Variants in HTR4 observed in about 807,000 individuals in gnomAD.
The protein encoded by HTR4 is 5-hydroxytryptamine (serotonin) receptor 4, G protein-coupled.
Under a neutral mutation model 36.8 loss-of-function variants are expected in HTR4, and 16 were observed. That is an observed-to-expected ratio of 0.43 (90% CI 0.29 to 0.66). The LOEUF (loss-of-function observed/expected upper bound fraction) is 0.66, where lower values mean the gene tolerates loss of function less well. HTR4 is among the 30% of genes least tolerant of loss of function. The probability of loss-of-function intolerance (pLI) is 0.13; values close to 1 mark genes in which losing one functional copy is unlikely to be tolerated. For missense variants in HTR4, 438 were observed against 490.9 expected (o/e 0.89, Z 1.02); for synonymous variants, 189 against 185.1 (o/e 1.02, Z -0.17).
At chr5:148,646,635 T>C (rs1753882292) in intron 1 of HTR4, among the ~76,000 whole-genome samples, 1 of 152,112 alleles carries the variant, frequency 6.6e-6, no homozygotes, top group African/African-American at 2.4e-5. Context: ...AATAAAACTA[T>C]ACCCATAGAT....
chr5:148,540,061 T>C (rs1759028082), intron 4 of HTR4, among the ~76,000 whole-genome samples: 1 of 152,028 alleles, frequency 6.6e-6, no homozygotes, highest in Admixed American at 6.6e-5. Context: ...CAAAATCATG[T>C]CTTTTGCAGG....
chr5:148,514,196 A>G (rs1256133312), intron 5 of HTR4, among the ~76,000 whole-genome samples: 3 of 152,116 alleles, frequency 2.0e-5, no homozygotes, highest in African/African-American at 7.2e-5. Flanking sequence ...TTAGGGGATG[A>G]GCCTTCAATA....
intron 4 of HTR4, among the ~76,000 whole-genome samples, chr5:148,534,713 A>G (rs1053796846): frequency 5.9e-5 from 9 of 151,948 alleles, no homozygotes; most frequent in Non-Finnish European, 1.3e-4. Context: ...CTTGCACCAG[A>G]CAGGTAACCC....
intron 2 of HTR4, among the ~76,000 whole-genome samples, chr5:148,623,013 G>A (rs75810753): frequency 6.6e-6 from 1 of 152,168 alleles, no homozygotes; most frequent in Non-Finnish European, 1.5e-5. Context: ...TGAGGAAAAA[G>A]AAGGGGTAGA....
chr5:148,547,570 T>TAAAA (rs1759451004), intron 4 of HTR4, among the ~76,000 whole-genome samples: 2 of 105,046 alleles, frequency 1.9e-5, no homozygotes, highest in East Asian at 2.7e-4. Context: ...ATAAAATAAA[T>TAAAA]AAATAAAAAT....
chr5:148,523,246 T>G lies in HTR4; in HGVS notation c.454A>C (p.Ile152Leu). Residue 152 changes from isoleucine to leucine, a missense_variant, in exon 5 of 7, where the codon ATT becomes CTT. Physicochemically the swap from Ile to Leu is conservative, Grantham distance 5. Transcript: ENST00000377888. ...CCTTGCATTATAGGGAGAAAAGAAA[T>G]AAACGTGGGGATGACCCAGCAGCCT... ...LGGCWVIPTFISFLPIMQGWN... is the reference protein window; with the variant it reads ...LGGCWVIPTFLSFLPIMQGWN... 2 of 1,613,442 alleles carry G rather than the reference T, an allele frequency of 1.2e-6. No homozygotes were observed. Among genetic ancestry groups the G allele is most frequent in the Non-Finnish European group, 8.5e-7 (1 of 1,179,758 alleles).
chr5:148,588,589 G>A (rs1170082656), intron 2 of HTR4, among the ~76,000 whole-genome samples: 4 of 145,544 alleles, frequency 2.7e-5, no homozygotes, highest in Admixed American at 6.9e-5. Flanking sequence ...GCCGGACTGC[G>A]GACTGCAGTG....
At chr5:148,562,846 G>C (rs573069844) in intron 2 of HTR4, among the ~76,000 whole-genome samples, 2 of 151,964 alleles carry the variant, frequency 1.3e-5, no homozygotes, top group African/African-American at 2.4e-5. Flanking sequence ...ACTTCATAAC[G>C]TTTCCTGATC....
intron 5 of HTR4, among the ~76,000 whole-genome samples, chr5:148,510,602 C>T (rs901545204): frequency 6.6e-6 from 1 of 152,240 alleles, no homozygotes; most frequent in Non-Finnish European, 1.5e-5. Flanking sequence ...TTCTAAATCT[C>T]TGGGCAATGA....
intron 5 of HTR4, chr5:148,451,331 G>C: frequency 6.2e-7 from 1 of 1,610,874 alleles, no homozygotes; most frequent in African/African-American, 1.3e-5. Flanking sequence ...CTGCACCGAA[G>C]TCAAGAGCAC....
chr5:148,652,320 A>G (rs1302385467), intron 1 of HTR4, among the ~76,000 whole-genome samples: 2 of 152,196 alleles, frequency 1.3e-5, no homozygotes, highest in East Asian at 3.8e-4. Context: ...GGAGGAATAA[A>G]AAGGTGACTT....
At chr5:148,519,524 G>A (rs988973685) in intron 5 of HTR4, among the ~76,000 whole-genome samples, 4 of 152,116 alleles carry the variant, frequency 2.6e-5, no homozygotes, top group African/African-American at 4.8e-5. Context: ...TTATATGTGT[G>A]GGTATATAGC....
At chr5:148,648,872 G>C (rs1167447805) in intron 1 of HTR4, among the ~76,000 whole-genome samples, 1 of 152,204 alleles carries the variant, frequency 6.6e-6, no homozygotes, top group Non-Finnish European at 1.5e-5. Flanking sequence ...TCCAGGAGCT[G>C]AGTTTTCTAG....
At chr5:148,536,043 C>A (rs779549463) in intron 4 of HTR4, among the ~76,000 whole-genome samples, 41 of 152,110 alleles carry the variant, frequency 2.7e-4, no homozygotes, top group South Asian at 4.1e-4. Context: ...AGACTTCTCA[C>A]CTGAAACCCT....
chr5:148,609,248 G>A (rs886871387), intron 2 of HTR4, among the ~76,000 whole-genome samples: 11 of 152,092 alleles, frequency 7.2e-5, no homozygotes, highest in East Asian at 5.8e-4. Flanking sequence ...GAATATTACC[G>A]GCAATTTTGT....
Position 148,523,232 on chromosome 5 carries a change from A to G in HTR4, c.468T>C (p.Pro156=). The change falls in exon 5 of 7, where the codon CCT becomes CCC. Residue 156 remains proline, a synonymous_variant. Transcript: ENST00000377888. ...WVIPTFISFL[P]IMQGWNNIGI... ...CAATGTTATTCCAGCCTTGCATTAT[A>G]GGGAGAAAAGAAATAAACGTGGGGA... 1 of 1,613,674 alleles carries G rather than the reference A, an allele frequency of 6.2e-7. No homozygotes were observed. Among genetic ancestry groups the G allele is most frequent in the Non-Finnish European group, 8.5e-7 (1 of 1,179,766 alleles).
In HTR4 at chr5:148,550,262, A is replaced by T. The variant is rs1414011223; in HGVS notation, c.27T>A (p.Ser9Arg). 1.4e-5 allele frequency: 23 copies of T among 1,613,958 alleles called. No homozygotes were observed. Among genetic ancestry groups the T allele is most frequent in the Non-Finnish European group, 1.9e-5 (23 of 1,179,994 alleles). ...CCACTGACCCGAAACCCTCCTCAGA[A>T]CTGAAAGACACACACAAGCACAAAG... MDKLDANV[S>R]SEEGFGSVEK... The change falls in exon 3 of 7, where the codon AGT becomes AGA. Residue 9 changes from serine (S) to arginine (R), a missense_variant and splice_region_variant. Physicochemically the swap from Ser to Arg is moderately radical, Grantham distance 110. Coordinates refer to ENST00000377888, the MANE Select transcript of HTR4 (RefSeq NM_000870.7).
intron 2 of HTR4, among the ~76,000 whole-genome samples, chr5:148,588,187 C>A (rs1410033712): frequency 1.3e-5 from 2 of 152,194 alleles, no homozygotes; most frequent in Non-Finnish European, 2.9e-5. Context: ...GTTGCAAGAC[C>A]GATAGACTTT....
chr5:148,478,585 A>G (rs10061244), downstream of HTR4, among the ~76,000 whole-genome samples: 18,549 of 152,134 alleles, frequency 0.12, 1,767 homozygotes, highest in African/African-American at 0.26. Context: ...AACAAGCACC[A>G]GCACAGAGGG....
Sources: gnomAD v4.1 joint callset for allele counts (sites outside exome capture counted in the v4.1 genomes callset) on GRCh38, gnomAD v4.1.1 for gene constraint, MANE v1.5 for transcripts, NCBI Gene and HGNC (gene_info 2026-07-23, HGNC 2026-07-21) for gene names.